Variants in SMARCA2 observed in about 807,000 individuals in gnomAD.
SMARCA2 encodes the protein SWI/SNF-related matrix-associated actin-dependent regulator of chromatin subfamily A member 2.
SMARCA2 carries 61 observed loss-of-function variants against 199.8 expected under a neutral mutation model. That is an observed-to-expected ratio of 0.31 (90% CI 0.25 to 0.38). The LOEUF (loss-of-function observed/expected upper bound fraction) is 0.38. Among genes scored for constraint, SMARCA2 ranks in the 10% least tolerant of loss-of-function variants. The probability of loss-of-function intolerance (pLI) is 1.00; values close to 1 mark genes in which losing one functional copy is unlikely to be tolerated. For synonymous variants in SMARCA2, 935 were observed against 732.0 expected (o/e 1.28, Z -4.48); for missense variants, 1,344 against 2,012.2 (o/e 0.67, Z 6.35).
intron 5 of SMARCA2, among the ~76,000 whole-genome samples, chr9:2,052,095 A>C (rs1342901977): frequency 6.6e-6 from 1 of 152,248 alleles, no homozygotes. Context: ...TGATGAGTTT[A>C]TTATTGTTGC....
intron 28 of SMARCA2, among the ~76,000 whole-genome samples, chr9:2,168,851 T>C (rs1047508003): frequency 6.6e-6 from 1 of 152,224 alleles, no homozygotes; most frequent in South Asian, 2.1e-4. Flanking sequence ...TCTTTGGTTG[T>C]TCAGAACCCA....
intron 1 of SMARCA2, among the ~76,000 whole-genome samples, chr9:2,018,272 A>T (rs1214985436): frequency 1.3e-5 from 2 of 152,232 alleles, no homozygotes. Flanking sequence ...ATGTAATTTT[A>T]GTGGCACATG....
intron 19 of SMARCA2, 113 bp downstream of exon 19, chr9:2,088,726 A>G (rs1475607849): frequency 2.7e-6 from 2 of 743,044 alleles, no homozygotes; most frequent in Non-Finnish European, 2.3e-6. Context: ...TGTAGTTAAT[A>G]GTATCTTGAA....
intron 29 of SMARCA2, 33 bp from the exon 30 acceptor site, chr9:2,181,538 G>C: frequency 9.9e-7 from 1 of 1,011,362 alleles, no homozygotes; most frequent in Non-Finnish European, 1.6e-6. Flanking sequence ...TGTTTGATGT[G>C]GCTTGTTTTT....
chr9:2,098,955 A>G (rs1284753283), intron 21 of SMARCA2, among the ~76,000 whole-genome samples: 1 of 149,228 alleles, frequency 6.7e-6, no homozygotes, highest in Non-Finnish European at 1.5e-5. Context: ...CTCAAAAAAA[A>G]AAAAAAAGTC....
intron 31 of SMARCA2, among the ~76,000 whole-genome samples, chr9:2,185,828 C>T (rs559545911): frequency 7.9e-5 from 12 of 152,308 alleles, no homozygotes; most frequent in African/African-American, 2.9e-4. Flanking sequence ...TTTTTGTTGT[C>T]CAATATGAGG....
chr9:2,075,187 T>C (rs1035549864), intron 12 of SMARCA2: 2 of 152,494 alleles, frequency 1.3e-5, no homozygotes, highest in African/African-American at 4.8e-5. Flanking sequence ...TTTTATTTCC[T>C]GGCCTGGAAA....
chr9:2,058,627 C>T (rs924804114), intron 8 of SMARCA2, among the ~76,000 whole-genome samples, 163 bp downstream of exon 8: 1 of 152,148 alleles, frequency 6.6e-6, no homozygotes, highest in Non-Finnish European at 1.5e-5. Context: ...AACTTTTTCT[C>T]TTTCCTGGAG....
rs1823360111 is a variant in SMARCA2 at position 2,119,571 on chromosome 9, A to G, written c.3762+36A>G. ...AGAAAATCATGAACACAAATGCTTT[A>G]TACCTCTGCCCCTTTTTCTGTTAAG... On this transcript the variant is annotated intron_variant, in intron 26 of 33. Coordinates refer to ENST00000349721, the MANE Select transcript of SMARCA2 (RefSeq NM_003070.5). The surrounding 1 kb of genome is among the most constrained non-coding windows in gnomAD (Gnocchi z 4.6). The G allele has an allele frequency of 7.2e-7, 1 of 1,384,566 alleles. No individual in the cohort carries two copies. Among genetic ancestry groups the G allele is most frequent in the African/African-American group, 1.4e-5 (1 of 70,468 alleles). 85.8% of individuals were successfully genotyped at this position (1,384,566 alleles called of 1,614,324 possible).
intron 9 of SMARCA2, among the ~76,000 whole-genome samples, chr9:2,066,455 C>G (rs1038897766): frequency 1.3e-5 from 2 of 152,142 alleles, no homozygotes; most frequent in Non-Finnish European, 2.9e-5. Context: ...GTGAACATTG[C>G]TAAATGGAAG....
chr9:2,157,248 A>G (rs1825415476), intron 27 of SMARCA2, among the ~76,000 whole-genome samples: 1 of 152,162 alleles, frequency 6.6e-6, no homozygotes, highest in Non-Finnish European at 1.5e-5. Flanking sequence ...GGGGATCATT[A>G]CTGTATTATT....
At chr9:2,157,878 A>G (rs945923656) in intron 27 of SMARCA2, 4 of 398,440 alleles carry the variant, frequency 1.0e-5, no homozygotes, top group Admixed American at 8.8e-5. Context: ...GTCACGCAGT[A>G]AAGATGTGGT....
At chr9:2,033,293 C>T in intron 3 of SMARCA2, 1 of 508,858 alleles carries the variant, frequency 2.0e-6, no homozygotes, top group Non-Finnish European at 3.5e-6. Context: ...AGTAATTTTA[C>T]TAGCCACCAT....
chr9:2,092,000 A>C (rs1822081554), intron 19 of SMARCA2, among the ~76,000 whole-genome samples: 1 of 152,042 alleles, frequency 6.6e-6, no homozygotes, highest in South Asian at 2.1e-4. Context: ...GAATATACCC[A>C]CCCCCCAACC....
chr9:2,087,403 A>C, intron 18 of SMARCA2: 1 of 239,354 alleles, frequency 4.2e-6, no homozygotes, highest in Non-Finnish European at 8.2e-6. Context: ...GAAGTAATTT[A>C]ACCAGACCAA....
intron 9 of SMARCA2, among the ~76,000 whole-genome samples, chr9:2,064,090 C>T (rs889072174): frequency 2.0e-5 from 3 of 152,118 alleles, no homozygotes; most frequent in African/African-American, 7.2e-5. Context: ...CTATTATGTG[C>T]GTTTAGCGTG....
chr9:2,167,364 C>G (rs1043269783), intron 28 of SMARCA2, among the ~76,000 whole-genome samples: 1 of 152,262 alleles, frequency 6.6e-6, no homozygotes, highest in Admixed American at 6.5e-5. Context: ...TCATCACCTC[C>G]TCCCTCTCTA....
rs374386191 is a variant in SMARCA2, at chr9:2,156,394, A to G, written c.3982-5292A>G. On this transcript the variant is annotated intron_variant, in intron 27 of 33. Coordinates refer to ENST00000349721, the MANE Select transcript of SMARCA2 (RefSeq NM_003070.5). ...CTTTTTTTTCTTATGGGAAAATACC[A>G]TAAAGTTTACCATTTTAGACTTTTT... Among the ~76,000 whole-genome samples, 106 of 142,058 alleles carry G rather than the reference A, an allele frequency of 7.5e-4. 2 individuals carry two copies. Among genetic ancestry groups the G allele is most frequent in the African/African-American group, 2.7e-3 (102 of 37,130 alleles). 93.2% of individuals were successfully genotyped at this position (142,058 alleles called of 152,430 possible).
chr9:2,191,587 T>A, intron 33 of SMARCA2, 179 bp downstream of exon 33: 1 of 580,206 alleles, frequency 1.7e-6, no homozygotes, highest in Non-Finnish European at 2.9e-6. Flanking sequence ...GAACAAAGGA[T>A]TGGGGGCTTT....
Sources: gnomAD v4.1 joint callset for allele counts (sites outside exome capture counted in the v4.1 genomes callset) on GRCh38, gnomAD v4.1.1 for gene constraint, Gnocchi (gnomAD v3.1) non-coding constraint, MANE v1.5 for transcripts, NCBI Gene and HGNC (gene_info 2026-07-23, HGNC 2026-07-21) for gene names.